Variants in PTPRZ1 observed in about 807,000 individuals in gnomAD.
PTPRZ1 encodes protein tyrosine phosphatase receptor type Z1, also known as receptor-type tyrosine-protein phosphatase zeta.
In PTPRZ1, 82 loss-of-function variants were observed where a neutral mutation model predicts 214.1. The observed-to-expected ratio is 0.38, with a 90% CI of 0.32 to 0.46. The LOEUF (loss-of-function observed/expected upper bound fraction) is 0.46. PTPRZ1 is among the 20% of genes least tolerant of loss of function. PTPRZ1 has a pLI of 1.00. For missense variants in PTPRZ1, 2,603 were observed against 2,748.7 expected, an observed-to-expected ratio of 0.95 and a Z score of 1.19; for synonymous variants, 945 against 987.9, an observed-to-expected ratio of 0.96 and a Z score of 0.81.
intron 8 of PTPRZ1, 89 bp from the exon 9 acceptor site, chr7:121,996,293 A>G: frequency 1.0e-6 from 1 of 963,726 alleles, no homozygotes; most frequent in South Asian, 2.5e-5. Context: ...TTGAAATAAA[A>G]CACAATAAAA....
chr7:122,056,871 G>A (rs1298497451), intron 27 of PTPRZ1, among the ~76,000 whole-genome samples: 3 of 151,536 alleles, frequency 2.0e-5, no homozygotes, highest in African/African-American at 4.8e-5. Flanking sequence ...TCCTTCACAC[G>A]CGTGCTGCTT....
chr7:121,978,919 C>G (rs1443104930), intron 6 of PTPRZ1, among the ~76,000 whole-genome samples: 1 of 152,042 alleles, frequency 6.6e-6, no homozygotes, highest in Admixed American at 6.6e-5. Flanking sequence ...CCCTACTGCC[C>G]AATAAACTGA....
intron 1 of PTPRZ1, among the ~76,000 whole-genome samples, chr7:121,883,270 C>A (rs949822133): frequency 7.9e-5 from 12 of 152,110 alleles, no homozygotes; most frequent in African/African-American, 2.4e-4. Flanking sequence ...AGAGTCACAA[C>A]TTAACTAAAA....
chr7:121,904,292 G>C (rs1795056509), intron 1 of PTPRZ1, among the ~76,000 whole-genome samples: 1 of 152,074 alleles, frequency 6.6e-6, no homozygotes, highest in Non-Finnish European at 1.5e-5. Context: ...GCCAATCAAG[G>C]ACACCCCAGA....
intron 3 of PTPRZ1, 29 bp from the exon 4 acceptor site, chr7:121,972,512 C>T: frequency 6.4e-7 from 1 of 1,559,222 alleles, no homozygotes; most frequent in Non-Finnish European, 8.7e-7. Context: ...TTTTCAGAAG[C>T]TTAGGTGCAA....
chr7:122,058,719 T>C, intron 27 of PTPRZ1, 81 bp from the exon 28 acceptor site: 1 of 1,289,254 alleles, frequency 7.8e-7, no homozygotes, highest in South Asian at 1.4e-5. Flanking sequence ...ATTACCTTAC[T>C]GTAATTCCTG....
Position 121,976,817 on chromosome 7 carries a change from G to C in PTPRZ1, c.585G>C (p.Ala195=), listed in dbSNP as rs752369743. 3 of 1,610,992 alleles carry C rather than the reference G, an allele frequency of 1.9e-6. No homozygotes were observed. The highest frequency in any genetic ancestry group is 1.3e-5 in the African/African-American group (1 of 74,940). ...CAGAAGAAAATTTGGATTTCAAAGC[G>C]ATTATTGATGGAGTCGAAAGTGTTA... ...VGTEENLDFK[A]IIDGVESVSR... The change falls in exon 6 of 30, where the codon GCG becomes GCC. Residue 195 remains alanine (A), a synonymous_variant. Coordinates refer to ENST00000393386, the MANE Select transcript of PTPRZ1 (RefSeq NM_002851.3).
chr7:121,954,391 T>C (rs1210074778), intron 2 of PTPRZ1, among the ~76,000 whole-genome samples: 1 of 152,192 alleles, frequency 6.6e-6, no homozygotes, highest in African/African-American at 2.4e-5. Flanking sequence ...AACCTCCTAC[T>C]ATTCTTCCCA....
chr7:121,881,153 G>A (rs1794226457), intron 1 of PTPRZ1, among the ~76,000 whole-genome samples: 1 of 152,128 alleles, frequency 6.6e-6, no homozygotes, highest in Non-Finnish European at 1.5e-5. Flanking sequence ...TGTATAAGAA[G>A]AGAAAAAGAC....
At position 122,051,503 on chromosome 7, in the gene PTPRZ1, ACTT is replaced by A. The variant is rs766318328; in HGVS notation, c.6166_6168del (p.Ser2056del). ...GCAATGCAACAGGGAAAAGAATCGA[ACTT>A]CTTCTATCATCCCTGGTAAGTTGTG... On this transcript the variant is annotated inframe_deletion, in exon 24 of 30. Transcript: ENST00000393386. 18 of 1,613,424 alleles carry A rather than the reference ACTT, an allele frequency of 1.1e-5. No homozygotes were observed. The South Asian group carries it at 1.9e-4, about 17-fold the overall frequency.
chr7:121,931,978 G>A (rs1160319124), intron 2 of PTPRZ1, among the ~76,000 whole-genome samples: 2 of 152,176 alleles, frequency 1.3e-5, no homozygotes, highest in Non-Finnish European at 2.9e-5. Context: ...GAGTCAGGGT[G>A]AGGATGGAAG....
At chr7:121,911,884 A>G (rs1225155501) in intron 1 of PTPRZ1, among the ~76,000 whole-genome samples, 1 of 152,046 alleles carries the variant, frequency 6.6e-6, no homozygotes, top group Non-Finnish European at 1.5e-5. Context: ...CTAGATAACT[A>G]AAGGTCAGTC....
chr7:121,968,946 A>G (rs1243322871), intron 3 of PTPRZ1, among the ~76,000 whole-genome samples: 2 of 152,200 alleles, frequency 1.3e-5, no homozygotes, highest in Non-Finnish European at 2.9e-5. Context: ...TCAAAACTCA[A>G]GAGAGTAGTA....
chr7:121,883,712 C>T (rs971177766), intron 1 of PTPRZ1, among the ~76,000 whole-genome samples: 3 of 152,144 alleles, frequency 2.0e-5, no homozygotes, highest in Admixed American at 2.0e-4. Flanking sequence ...CTGCAACCTC[C>T]ACCTCCTGGG....
At chr7:121,895,441 C>A (rs1324802246) in intron 1 of PTPRZ1, among the ~76,000 whole-genome samples, 2 of 152,020 alleles carry the variant, frequency 1.3e-5, no homozygotes, top group Non-Finnish European at 1.5e-5. Flanking sequence ...TTTTGCAGCC[C>A]ATTTGCAACA....
chr7:122,042,038 G>C (rs548132608), intron 21 of PTPRZ1, among the ~76,000 whole-genome samples: 2 of 152,314 alleles, frequency 1.3e-5, no homozygotes, highest in East Asian at 3.9e-4. Flanking sequence ...CCCTCTGCTA[G>C]AGGCTTTGAA....
intron 1 of PTPRZ1, among the ~76,000 whole-genome samples, chr7:121,914,185 A>T (rs991048230): frequency 1.3e-5 from 2 of 152,076 alleles, no homozygotes; most frequent in Non-Finnish European, 2.9e-5. Context: ...GAAACCAGAC[A>T]TTTCTGTTTT....
In PTPRZ1 at chr7:122,061,097, C is replaced by T; in HGVS notation, c.6825C>T (p.Leu2275=). ...VFADIEQYQF[L]YKVILSLVST... Reference sequence around the variant, plus strand: ...TTCTCTAGGAGCAGTATCAGTTTCTCTACAAAGTGATCCTCAGCCTTGTGA... The same window carrying T: ...TTCTCTAGGAGCAGTATCAGTTTCTTTACAAAGTGATCCTCAGCCTTGTGA... Residue 2275 remains leucine (L), a synonymous_variant, in exon 30 of 30, where the codon CTC becomes CTT. Transcript: ENST00000393386. 1 of 1,608,870 alleles carries T rather than the reference C, an allele frequency of 6.2e-7. No homozygotes were observed. The highest frequency in any genetic ancestry group is 8.5e-7 in the Non-Finnish European group (1 of 1,177,018).
intron 1 of PTPRZ1, among the ~76,000 whole-genome samples, chr7:121,927,574 G>T (rs1046490700): frequency 6.6e-6 from 1 of 152,106 alleles, no homozygotes; most frequent in African/African-American, 2.4e-5. Context: ...AAGCATCTCT[G>T]TTCCTCCAAG....
Sources: gnomAD v4.1 joint callset for allele counts (sites outside exome capture counted in the v4.1 genomes callset) on GRCh38, gnomAD v4.1.1 for gene constraint, MANE v1.5 for transcripts, NCBI Gene and HGNC (gene_info 2026-07-23, HGNC 2026-07-21) for gene names.